HCN1: variants seen among roughly 807,000 people sequenced by gnomAD.
The protein encoded by HCN1 is potassium/sodium hyperpolarization-activated cyclic nucleotide-gated channel 1.
A neutral mutation model predicts 78.9 loss-of-function variants in HCN1; 13 were observed. That is an observed-to-expected ratio of 0.16 (90% CI 0.11 to 0.26). The LOEUF is 0.26. HCN1 is among the 10% of genes least tolerant of loss of function. The pLI is 1.00. For synonymous variants in HCN1, 552 were observed against 455.5 expected (o/e 1.21, Z -2.70); for missense variants, 810 against 1,154.3 (o/e 0.70, Z 4.32).
At chr5:45,499,969 T>C (rs951495463) in intron 2 of HCN1, among the ~76,000 whole-genome samples, 10 of 152,182 alleles carry the variant, frequency 6.6e-5, no homozygotes, top group Admixed American at 5.9e-4. Context: ...ACAGTCTGCA[T>C]TGTCATTTAT....
rs186581557 is a variant in HCN1 at position 45,354,224 on chromosome 5, G to A, written c.1231-978C>T. Among the ~76,000 whole-genome samples, 245 of 151,906 alleles carry A rather than the reference G, an allele frequency of 1.6e-3. 1 individual carries two copies. The highest frequency in any genetic ancestry group is 5.5e-3 in the African/African-American group (228 of 41,462). ...TTAAAAACGTCTCCAGATGACTCAC[G>A]TGCATAGATATACACCTTAAAGTTT... On this transcript the variant is annotated intron_variant, in intron 4 of 7. Coordinates refer to ENST00000303230, the MANE Select transcript of HCN1 (RefSeq NM_021072.4).
intron 1 of HCN1, among the ~76,000 whole-genome samples, chr5:45,646,785 T>C (rs1467623554): frequency 6.6e-6 from 1 of 152,100 alleles, no homozygotes; most frequent in African/African-American, 2.4e-5. Context: ...CAGTATATAC[T>C]TGCAAAAATG....
intron 2 of HCN1, among the ~76,000 whole-genome samples, chr5:45,577,132 T>C (rs2111912812): frequency 6.6e-6 from 1 of 152,260 alleles, no homozygotes; most frequent in East Asian, 1.9e-4. Context: ...ATAAATATTA[T>C]TAACCTGCTA....
At chr5:45,361,648 GC>G (rs1747112088) in intron 4 of HCN1, among the ~76,000 whole-genome samples, 1 of 152,064 alleles carries the variant, frequency 6.6e-6, no homozygotes, top group South Asian at 2.1e-4. Context: ...ATAGTCATTT[GC>G]TTTCTTGCTT....
intron 2 of HCN1, among the ~76,000 whole-genome samples, chr5:45,612,847 A>G (rs1439560969): frequency 6.6e-6 from 1 of 152,200 alleles, no homozygotes; most frequent in African/African-American, 2.4e-5. Flanking sequence ...CAATTATTGT[A>G]TTCCAGAGAA....
chr5:45,351,123 CTATACTACAAG>C (rs1288569608), intron 5 of HCN1, among the ~76,000 whole-genome samples: 1 of 152,108 alleles, frequency 6.6e-6, no homozygotes, highest in African/African-American at 2.4e-5. Flanking sequence ...TGACTTCAAA[CTATACTACAAG>C]TCTACAGTAA....
chr5:45,542,113 T>G (rs1367071748), intron 2 of HCN1, among the ~76,000 whole-genome samples: 1 of 152,154 alleles, frequency 6.6e-6, no homozygotes, highest in Non-Finnish European at 1.5e-5. Flanking sequence ...AATTAAATGT[T>G]TAGTCAAATA....
intron 1 of HCN1, among the ~76,000 whole-genome samples, chr5:45,667,789 A>G (rs1447346921): frequency 6.6e-6 from 1 of 151,978 alleles, no homozygotes; most frequent in Non-Finnish European, 1.5e-5. Flanking sequence ...CTACTATGAC[A>G]TTGTAGTTCT....
At chr5:45,538,395 A>G (rs2111819707) in intron 2 of HCN1, among the ~76,000 whole-genome samples, 1 of 152,280 alleles carries the variant, frequency 6.6e-6, no homozygotes, top group African/African-American at 2.4e-5. Context: ...CTAAATAGAA[A>G]GTAATATCTA....
At chr5:45,585,233 A>C (rs946395349) in intron 2 of HCN1, among the ~76,000 whole-genome samples, 8 of 151,950 alleles carry the variant, frequency 5.3e-5, no homozygotes. Context: ...ATTTCTTTTT[A>C]TTCTTTTTTC....
At chr5:45,490,722 C>G (rs1741863495) in intron 2 of HCN1, among the ~76,000 whole-genome samples, 1 of 152,132 alleles carries the variant, frequency 6.6e-6, no homozygotes, top group South Asian at 2.1e-4. Context: ...CATAAATATA[C>G]ATACCTACCA....
chr5:45,665,726 C>T (rs1352276657), intron 1 of HCN1, among the ~76,000 whole-genome samples: 2 of 151,954 alleles, frequency 1.3e-5, no homozygotes, highest in Non-Finnish European at 2.9e-5. Flanking sequence ...ATTTCAAAAC[C>T]CATATGGTGT....
chr5:45,445,943 C>A (rs1270454192), intron 3 of HCN1, among the ~76,000 whole-genome samples: 1 of 152,156 alleles, frequency 6.6e-6, no homozygotes, highest in African/African-American at 2.4e-5. Flanking sequence ...GGGGAAAAAA[C>A]AGAGCAGAAA....
chr5:45,529,591 C>A lies in HCN1; in HGVS notation c.850-67584G>T, dbSNP rs536946264. On this transcript the variant is annotated intron_variant, in intron 2 of 7. Transcript: ENST00000303230. The stretch of plus-strand genomic sequence containing the variant: ...CTAGAAATCAGGAGTGTGTAGAAAC[C>A]AAGTCATTTTGATCAAATCCAAATG... 5.9e-5 allele frequency among the ~76,000 whole-genome samples: 9 copies of A among 151,966 alleles called. No individual in the cohort carries two copies. In the South Asian group the frequency reaches 1.9e-3, roughly 32 times the overall value.
intron 2 of HCN1, among the ~76,000 whole-genome samples, chr5:45,605,294 T>G (rs1038852632): frequency 4.6e-5 from 7 of 152,006 alleles, no homozygotes; most frequent in Non-Finnish European, 2.9e-5. Context: ...TTCATGTCTT[T>G]AACTCTAGAA....
At chr5:45,518,873 C>A (rs1742565433) in intron 2 of HCN1, among the ~76,000 whole-genome samples, 2 of 151,672 alleles carry the variant, frequency 1.3e-5, no homozygotes, top group African/African-American at 4.8e-5. Context: ...GTTTCCTAAG[C>A]TAAGAAAAAC....
intron 2 of HCN1, among the ~76,000 whole-genome samples, chr5:45,615,238 C>T (rs1744919543): frequency 6.6e-6 from 1 of 151,904 alleles, no homozygotes; most frequent in African/African-American, 2.4e-5. Flanking sequence ...GCACTCTGAC[C>T]TGATAATTCT....
chr5:45,573,663 C>T (rs182086357), intron 2 of HCN1, among the ~76,000 whole-genome samples: 46 of 151,946 alleles, frequency 3.0e-4, no homozygotes, highest in Non-Finnish European at 4.9e-4. Flanking sequence ...CTAATGCCAT[C>T]CCATTCACTA....
At chr5:45,506,005 T>C (rs1441135947) in intron 2 of HCN1, among the ~76,000 whole-genome samples, 4 of 152,156 alleles carry the variant, frequency 2.6e-5, no homozygotes, top group Non-Finnish European at 4.4e-5. Flanking sequence ...GCAATCTTGC[T>C]TGCCTTCTCC....
Sources: gnomAD v4.1 joint callset for allele counts (sites outside exome capture counted in the v4.1 genomes callset) on GRCh38, gnomAD v4.1.1 for gene constraint, MANE v1.5 for transcripts, NCBI Gene and HGNC (gene_info 2026-07-23, HGNC 2026-07-21) for gene names.